Variants in ITGBL1 observed in about 807,000 individuals in gnomAD.
The protein encoded by ITGBL1 is integrin beta-like protein 1.
In ITGBL1, 51 loss-of-function variants were observed where a neutral mutation model predicts 68.5. That is an observed-to-expected ratio of 0.74 (90% confidence interval 0.59 to 0.94). The LOEUF is 0.94. Ranked by LOEUF, ITGBL1 falls within the 40% of genes least tolerant of loss-of-function variation. The pLI, the probability that ITGBL1 is intolerant of heterozygous loss-of-function variation, is 0.00. For synonymous variants in ITGBL1, 209 were observed against 227.3 expected (o/e 0.92, Z 0.72); for missense variants, 649 against 647.4 (o/e 1.00, Z -0.03).
chr13:101,553,115 G>T (rs1566728997), intron 2 of ITGBL1, among the ~76,000 whole-genome samples: 1 of 152,178 alleles, frequency 6.6e-6, no homozygotes, highest in Non-Finnish European at 1.5e-5. Flanking sequence ...ATTAGAAAGA[G>T]AAGTCATGGA....
At chr13:101,601,663 ATCTT>A (rs1338715429) in intron 7 of ITGBL1, among the ~76,000 whole-genome samples, 2 of 152,172 alleles carry the variant, frequency 1.3e-5, no homozygotes, top group Admixed American at 6.6e-5. Context: ...TTCAAAGAAC[ATCTT>A]TATTTCTTCC....
At chr13:101,694,702 G>A (rs558728527) in intron 8 of ITGBL1, among the ~76,000 whole-genome samples, 5 of 152,268 alleles carry the variant, frequency 3.3e-5, no homozygotes, top group African/African-American at 1.2e-4. Context: ...AATTACAGGT[G>A]TGAGCCACTG....
At chr13:101,528,607 T>A (rs1330538265) in intron 2 of ITGBL1, among the ~76,000 whole-genome samples, 1 of 152,052 alleles carries the variant, frequency 6.6e-6, no homozygotes, top group African/African-American at 2.4e-5. Flanking sequence ...AAATATTTTT[T>A]AAATTTATTT....
intron 2 of ITGBL1, among the ~76,000 whole-genome samples, chr13:101,511,201 GA>G (rs886306495): frequency 6.6e-6 from 1 of 151,322 alleles, no homozygotes; most frequent in Admixed American, 6.6e-5. Context: ...ACTCCAATTT[GA>G]AAAAAAAGAA....
At chr13:101,652,980 C>T (rs2032797837) in intron 7 of ITGBL1, among the ~76,000 whole-genome samples, 1 of 151,992 alleles carries the variant, frequency 6.6e-6, no homozygotes, top group African/African-American at 2.4e-5. Flanking sequence ...GCCTGTAATC[C>T]AGCTACTCGG....
chr13:101,649,666 T>C (rs2032679065), intron 7 of ITGBL1, among the ~76,000 whole-genome samples: 1 of 152,194 alleles, frequency 6.6e-6, no homozygotes, highest in Non-Finnish European at 1.5e-5. Flanking sequence ...TTCTCAATTG[T>C]ATTGCTCAAG....
At chr13:101,645,338 C>A (rs1566773074) in intron 7 of ITGBL1, among the ~76,000 whole-genome samples, 1 of 152,120 alleles carries the variant, frequency 6.6e-6, no homozygotes, top group Non-Finnish European at 1.5e-5. Context: ...AACTTGACAC[C>A]TTTAAAGCCA....
At chr13:101,568,065 A>G (rs919558890) in intron 3 of ITGBL1, among the ~76,000 whole-genome samples, 1 of 152,138 alleles carries the variant, frequency 6.6e-6, no homozygotes, top group Non-Finnish European at 1.5e-5. Context: ...TCCTTCTAGC[A>G]GGATATTCAC....
At chr13:101,682,224 A>G (rs1594977237) in intron 7 of ITGBL1, among the ~76,000 whole-genome samples, 1 of 152,310 alleles carries the variant, frequency 6.6e-6, no homozygotes, top group East Asian at 1.9e-4. Context: ...GTTTTAATCT[A>G]TTTGTAATAA....
At chr13:101,631,965 A>G (rs1229254489) in intron 7 of ITGBL1, among the ~76,000 whole-genome samples, 1 of 152,170 alleles carries the variant, frequency 6.6e-6, no homozygotes, top group Non-Finnish European at 1.5e-5. Context: ...AAAATAGGAA[A>G]CAATTTGTTT....
intron 2 of ITGBL1, among the ~76,000 whole-genome samples, chr13:101,552,208 G>C (rs1471754384): frequency 6.6e-6 from 1 of 152,158 alleles, no homozygotes; most frequent in Non-Finnish European, 1.5e-5. Flanking sequence ...ACTGTGTCCA[G>C]TGTTTAGTCC....
At chr13:101,600,097 T>C (rs1337654100) in intron 7 of ITGBL1, among the ~76,000 whole-genome samples, 1 of 152,200 alleles carries the variant, frequency 6.6e-6, no homozygotes, top group Non-Finnish European at 1.5e-5. Flanking sequence ...TTTGTTTGTA[T>C]GCTCTTTTAT....
intron 2 of ITGBL1, among the ~76,000 whole-genome samples, chr13:101,545,887 T>C (rs981594041): frequency 6.6e-6 from 1 of 152,198 alleles, no homozygotes; most frequent in African/African-American, 2.4e-5. Flanking sequence ...TACCTGTTTA[T>C]AATTACATTC....
At chr13:101,514,098 C>A (rs1008822663) in intron 2 of ITGBL1, among the ~76,000 whole-genome samples, 3 of 151,910 alleles carry the variant, frequency 2.0e-5, no homozygotes, top group Admixed American at 2.0e-4. Flanking sequence ...CATTTGATGA[C>A]CTATAAATGA....
At chr13:101,644,721 C>G (rs538975924) in intron 7 of ITGBL1, among the ~76,000 whole-genome samples, 2 of 152,132 alleles carry the variant, frequency 1.3e-5, no homozygotes, top group South Asian at 2.1e-4. Flanking sequence ...CTGAATTTGT[C>G]TAAGAAAAAT....
At chr13:101,455,469 C>A (rs1467526915) in intron 2 of ITGBL1, among the ~76,000 whole-genome samples, 1 of 152,112 alleles carries the variant, frequency 6.6e-6, no homozygotes, top group African/African-American at 2.4e-5. Flanking sequence ...GAGTTCAAGA[C>A]CAGCCTCGCC....
intron 2 of ITGBL1, among the ~76,000 whole-genome samples, chr13:101,464,529 CTCTATA>C (rs1202169736): frequency 2.6e-5 from 4 of 151,328 alleles, no homozygotes; most frequent in African/African-American, 9.7e-5. Flanking sequence ...CTCTCTCTCT[CTCTATA>C]TATATATATA....
intron 7 of ITGBL1, among the ~76,000 whole-genome samples, chr13:101,612,927 C>T (rs1353614291): frequency 2.0e-5 from 3 of 152,126 alleles, no homozygotes; most frequent in Admixed American, 2.0e-4. Context: ...CGTAGCTTAT[C>T]AAAACAGCCA....
intron 2 of ITGBL1, among the ~76,000 whole-genome samples, chr13:101,484,789 A>G (rs2048677115): frequency 6.6e-6 from 1 of 152,080 alleles, no homozygotes; most frequent in Admixed American, 6.5e-5. Context: ...TTTGTGAAGG[A>G]CAGGAACTGG....
Sources: allele counts gnomAD v4.1 joint callset (sites outside exome capture counted in the v4.1 genomes callset), GRCh38; gene constraint gnomAD v4.1.1; transcripts MANE v1.5; gene names NCBI Gene and HGNC (gene_info 2026-07-23, HGNC 2026-07-21).